PCSK9: variants seen among roughly 807,000 people sequenced by gnomAD.
PCSK9 encodes the protein convertase subtilisin/kexin type 9 preproprotein.
PCSK9 carries 57 observed loss-of-function variants against 62.1 expected under a neutral mutation model. The ratio of observed to expected loss-of-function variants is 0.92; its 90% CI spans 0.74 to 1.14. The LOEUF is 1.14. Ranked by LOEUF, PCSK9 falls within the 50% of genes most tolerant of loss-of-function variation. The pLI, the probability that PCSK9 is intolerant of heterozygous loss-of-function variation, is 0.00. For synonymous variants in PCSK9, 387 were observed against 409.4 expected (o/e 0.95, Z 0.66); for missense variants, 870 against 959.8 (o/e 0.91, Z 1.24).
chr1:55,052,839 TGGGA>T (rs1644686090), intron 5 of PCSK9, 48 bp downstream of exon 5: 1 of 1,612,352 alleles, frequency 6.2e-7, no homozygotes. Context: ...GGACCTGGCC[TGGGA>T]GGTGGCTTGG....
In PCSK9 at chr1:55,054,675, C is replaced by T. The variant is rs28362248; in HGVS notation, c.800-1318C>T. On this transcript the variant is annotated intron_variant, in intron 5 of 11. Coordinates refer to ENST00000302118, the MANE Select transcript of PCSK9 (RefSeq NM_174936.4). ...TGCGTTAGGCCTCCAGTCTCCAGGC[C>T]ACTGGGCCAGAGCTCACAGGCTGGC... Among the ~76,000 whole-genome samples the T allele has an allele frequency of 2.1e-3, 313 of 152,308 alleles. 2 individuals carry two copies. The highest frequency in any genetic ancestry group is 7.2e-3 in the African/African-American group (301 of 41,572).
intron 1 of PCSK9, among the ~76,000 whole-genome samples, chr1:55,043,350 T>C (rs1644609943): frequency 1.3e-5 from 2 of 152,224 alleles, no homozygotes; most frequent in Non-Finnish European, 2.9e-5. Flanking sequence ...CTGTGGTCTC[T>C]ACAATACAGC....
chr1:55,056,868 TGC>T (rs148820549), intron 6 of PCSK9, among the ~76,000 whole-genome samples: 35 of 152,198 alleles, frequency 2.3e-4, no homozygotes, highest in African/African-American at 6.7e-4. Flanking sequence ...TGTGTGTGCG[TGC>T]GCGCGCGCGC....
intron 2 of PCSK9, among the ~76,000 whole-genome samples, chr1:55,045,746 G>C (rs938819814): frequency 1.3e-5 from 2 of 151,326 alleles, no homozygotes; most frequent in African/African-American, 4.9e-5. Flanking sequence ...GAGTGCAGTG[G>C]TGCCATATCT....
chr1:55,046,741 CG>C lies in PCSK9; in HGVS notation c.523+101del, dbSNP rs956173950. 4.7e-6 allele frequency: 7 copies of C among 1,494,376 alleles called. No individual in the cohort carries two copies. The African/African-American group carries it at 8.3e-5, about 18-fold the overall frequency. 92.6% of individuals were successfully genotyped at this position (1,494,376 alleles called of 1,614,324 possible). A position where few individuals can be genotyped will look rare whatever the true frequency, so the allele number is the denominator to read the frequency against. On this transcript the variant is annotated intron_variant, in intron 3 of 11. Coordinates refer to ENST00000302118, the MANE Select transcript of PCSK9 (RefSeq NM_174936.4). ...CTCCCTGCTGGTGGTTTCCACTTCT[CG>C]GGGGGCTTTGGGACTCAGCACCTCC...
intron 3 of PCSK9, among the ~76,000 whole-genome samples, chr1:55,047,846 GC>G (rs1282539206): frequency 6.6e-6 from 1 of 152,166 alleles, no homozygotes; most frequent in Non-Finnish European, 1.5e-5. Context: ...TGTAGGAAGA[GC>G]CTGTTCCTTT....
chr1:55,044,368 G>A (rs983408795), intron 2 of PCSK9, among the ~76,000 whole-genome samples: 5 of 152,214 alleles, frequency 3.3e-5, no homozygotes, highest in African/African-American at 7.2e-5. Flanking sequence ...TGCTGCCTAC[G>A]GAAACCTGTA....
Position 55,063,481 on chromosome 1 carries a change from G to T in PCSK9, c.1976G>T (p.Arg659Leu), listed in dbSNP as rs780214893. 8.1e-6 allele frequency: 13 copies of T among 1,613,826 alleles called. No homozygotes were observed. The African/African-American group carries it at 1.5e-4, about 18-fold the overall frequency. ...GACAACACGTGTGTAGTCAGGAGCC[G>T]GGACGTCAGCACTACAGGCAGCACC... ...AVDNTCVVRS[R>L]DVSTTGSTSE... The change falls in exon 12 of 12, where the codon CGG becomes CTG. Residue 659 changes from arginine (R) to leucine (L), a missense_variant. Coordinates refer to ENST00000302118, the MANE Select transcript of PCSK9 (RefSeq NM_174936.4).
At position 55,040,819 on chromosome 1, in the gene PCSK9, T is replaced by G. The variant is rs1557498090; in HGVS notation, c.207+775T>G. Among the ~76,000 whole-genome samples, 1 of 152,222 alleles carries G rather than the reference T, an allele frequency of 6.6e-6. No individual in the cohort carries two copies. The highest frequency in any genetic ancestry group is 1.5e-5 in the Non-Finnish European group (1 of 68,040). Reference sequence around the variant, plus strand: ...CCCGGCGCCTCAGCCCACCTGGCTGTCTGCCGACCGTGTGCGGGGCGAGTT... The same window carrying G: ...CCCGGCGCCTCAGCCCACCTGGCTGGCTGCCGACCGTGTGCGGGGCGAGTT... On this transcript the variant is annotated intron_variant, in intron 1 of 11. Transcript: ENST00000302118. The surrounding 1 kb of genome is among the most constrained non-coding windows in gnomAD (Gnocchi z 4.1).
Position 55,044,010 on chromosome 1 carries a change from G to C in PCSK9, c.375G>C (p.Lys125Asn), listed in dbSNP as rs767164134. 1 of 1,614,224 alleles carries C rather than the reference G, an allele frequency of 6.2e-7. No individual in the cohort carries two copies. The highest frequency in any genetic ancestry group is 1.1e-5 in the South Asian group (1 of 91,084). The change falls in exon 2 of 12, where the codon AAG becomes AAC. Residue 125 changes from lysine (K) to asparagine (N), a missense_variant. Physicochemically the swap from Lys to Asn is moderately conservative, Grantham distance 94. Transcript: ENST00000302118. ...GCCTTCTTCCTGGCTTCCTGGTGAAGATGAGTGGCGACCTGCTGGAGCTGG... is the reference window on the plus strand; with the variant it reads ...GCCTTCTTCCTGGCTTCCTGGTGAACATGAGTGGCGACCTGCTGGAGCTGG... ...FHGLLPGFLVKMSGDLLELAL... is the reference protein window; with the variant it reads ...FHGLLPGFLVNMSGDLLELAL...
chr1:55,048,189 G>A (rs1483729131), intron 3 of PCSK9, among the ~76,000 whole-genome samples: 6 of 152,106 alleles, frequency 3.9e-5, no homozygotes, highest in Non-Finnish European at 8.8e-5. Flanking sequence ...TCCCAACAGC[G>A]GCAGCACACC....
chr1:55,058,467 C>A, intron 8 of PCSK9, 32 bp from the exon 9 acceptor site: 1 of 1,612,242 alleles, frequency 6.2e-7, no homozygotes, highest in Non-Finnish European at 8.5e-7. Flanking sequence ...TCACTCCCAG[C>A]ACCCCCTCCT....
intron 6 of PCSK9, among the ~76,000 whole-genome samples, chr1:55,056,710 C>A (rs1480293946): frequency 3.9e-5 from 6 of 152,128 alleles, no homozygotes; most frequent in Non-Finnish European, 4.4e-5. Context: ...AGTGTGGCTG[C>A]GGGGACACAG....
Position 55,043,955 on chromosome 1 carries a change from ACCTCACCAAGAT to A in PCSK9, c.324_335del (p.Thr109_Leu112del). 6.2e-7 allele frequency: 1 copy of A among 1,614,144 alleles called. No individual in the cohort carries two copies. ...CAGGCCCAGGCTGCCCGCCGGGGAT[ACCTCACCAAGAT>A]CCTGCATGTCTTCCATGGCCTTCTT... On this transcript the variant is annotated inframe_deletion, in exon 2 of 12. Coordinates refer to ENST00000302118, the MANE Select transcript of PCSK9 (RefSeq NM_174936.4).
intron 3 of PCSK9, chr1:55,051,748 T>G: frequency 4.4e-6 from 1 of 229,646 alleles, no homozygotes; most frequent in Non-Finnish European, 8.6e-6. Context: ...TGGTATCTTG[T>G]GGAGTGGAGA....
intron 5 of PCSK9, among the ~76,000 whole-genome samples, chr1:55,053,801 C>T (rs962344850): frequency 3.9e-5 from 6 of 152,180 alleles, no homozygotes; most frequent in East Asian, 1.9e-4. Flanking sequence ...TGACTGACCT[C>T]GGCTCAGTCA....
chr1:55,055,873 C>A, intron 5 of PCSK9, 120 bp from the exon 6 acceptor site: 1 of 1,017,710 alleles, frequency 9.8e-7, no homozygotes, highest in South Asian at 1.9e-5. Flanking sequence ...TGGCTTTTGA[C>A]CAAACATCAG....
At chr1:55,057,085 G>A (rs552083916) in intron 6 of PCSK9, among the ~76,000 whole-genome samples, 3 of 152,172 alleles carry the variant, frequency 2.0e-5, no homozygotes, top group African/African-American at 4.8e-5. Flanking sequence ...CCCCCACTAG[G>A]ATGTAAACTC....
At chr1:55,057,203 G>A (rs1644721830) in intron 6 of PCSK9, 128 bp from the exon 7 acceptor site, 1 of 1,203,964 alleles carries the variant, frequency 8.3e-7, no homozygotes, top group Middle Eastern at 2.1e-4. Context: ...TTCCTTAGGA[G>A]GGGACATTTG....
Sources: allele counts gnomAD v4.1 joint callset (sites outside exome capture counted in the v4.1 genomes callset), GRCh38; gene constraint gnomAD v4.1.1; non-coding constraint Gnocchi (gnomAD v3.1); transcripts MANE v1.5; gene names NCBI Gene and HGNC (gene_info 2026-07-23, HGNC 2026-07-21).